Variants in CMIP observed in about 807,000 individuals in gnomAD.
CMIP encodes the protein c-Maf inducing protein, also known as C-Maf-inducing protein.
A neutral mutation model predicts 97.3 loss-of-function variants in CMIP; 13 were observed. That is an observed-to-expected ratio of 0.13 (90% CI 0.09 to 0.21). The LOEUF is 0.21. CMIP is among the 10% of genes least tolerant of loss of function. The pLI is 1.00. For synonymous variants in CMIP, 538 were observed against 436.3 expected (o/e 1.23, Z -2.91); for missense variants, 847 against 1,024.9 (o/e 0.83, Z 2.37).
In CMIP at chr16:81,616,810, G is replaced by C. The variant is rs775117073; in HGVS notation, c.427-4066G>C. 2.0e-5 allele frequency among the ~76,000 whole-genome samples: 3 copies of C among 152,246 alleles called. No individual in the cohort carries two copies. Among genetic ancestry groups the C allele is most frequent in the Non-Finnish European group, 4.4e-5 (3 of 68,042 alleles). On this transcript the variant is annotated intron_variant, in intron 2 of 20. Transcript: ENST00000537098. This position sits in a 1 kb window ranked among gnomAD's most constrained non-coding sequence, Gnocchi z 4.7. ...ATGTGTAGCAGTGTCTGTGGTCAGTGGCTCTGAAGAAATCCGTCCCAGGCC... is the reference window on the plus strand; with the variant it reads ...ATGTGTAGCAGTGTCTGTGGTCAGTCGCTCTGAAGAAATCCGTCCCAGGCC...
chr16:81,602,380 A>G (rs1293901754), intron 1 of CMIP, among the ~76,000 whole-genome samples: 4 of 152,252 alleles, frequency 2.6e-5, no homozygotes, highest in Non-Finnish European at 5.9e-5. Flanking sequence ...TTTATGGGAA[A>G]GATTTTATTC....
intron 7 of CMIP, chr16:81,665,786 T>C (rs1282799672): frequency 6.6e-6 from 1 of 152,220 alleles, no homozygotes; most frequent in African/African-American, 2.4e-5. Context: ...ACCCCTTCCA[T>C]GCTCATGGCA....
At chr16:81,605,109 C>T (rs983523083) in intron 1 of CMIP, among the ~76,000 whole-genome samples, 1 of 152,158 alleles carries the variant, frequency 6.6e-6, no homozygotes, top group African/African-American at 2.4e-5. Flanking sequence ...CCTGGCTTCT[C>T]CGGCAGTGCT....
At chr16:81,501,077 C>T (rs1446348011) in intron 1 of CMIP, among the ~76,000 whole-genome samples, 1 of 152,226 alleles carries the variant, frequency 6.6e-6, no homozygotes, top group Non-Finnish European at 1.5e-5. Context: ...AGGAGCTGCT[C>T]AAGTGCCGGA....
At chr16:81,686,483 G>C (rs1451039238) in intron 10 of CMIP, among the ~76,000 whole-genome samples, 1 of 152,156 alleles carries the variant, frequency 6.6e-6, no homozygotes, top group African/African-American at 2.4e-5. Context: ...CTTCCTCACC[G>C]GCACCCTCTG....
intron 14 of CMIP, chr16:81,696,930 A>T (rs978892364): frequency 1.1e-5 from 6 of 532,008 alleles, no homozygotes; most frequent in African/African-American, 5.8e-5. Flanking sequence ...AAGACGACAC[A>T]TGTCATTGCC....
chr16:81,448,625 TA>T (rs1395338848), intron 1 of CMIP, among the ~76,000 whole-genome samples: 1 of 152,238 alleles, frequency 6.6e-6, no homozygotes, highest in African/African-American at 2.4e-5. Flanking sequence ...CTGGGCCAGT[TA>T]CTGATTAAAT....
chr16:81,590,896 T>G (rs971870894), intron 1 of CMIP, among the ~76,000 whole-genome samples: 3 of 152,146 alleles, frequency 2.0e-5, no homozygotes, highest in Non-Finnish European at 2.9e-5. Context: ...TCTTGAATGG[T>G]TTAGATCAGG....
chr16:81,537,546 C>CAAAA lies in CMIP; in HGVS notation c.301-69999_301-69996dup, dbSNP rs397695977. ...AGAGACTCCGTCTCCAAAAAAAAGA[C>CAAAA]AAAAAAAAAAAAAAAAAAAAAAAAA... On this transcript the variant is annotated intron_variant, in intron 1 of 20. Coordinates refer to ENST00000537098, the MANE Select transcript of CMIP (RefSeq NM_198390.3). Among the ~76,000 whole-genome samples, 193 of 82,078 alleles carry CAAAA rather than the reference C, an allele frequency of 2.4e-3. 1 individual carries two copies. The highest frequency in any genetic ancestry group is 3.9e-3 in the Non-Finnish European group (170 of 43,926). The allele number at this position is 82,078 out of a possible 152,430, so 53.8% of individuals were successfully genotyped here.
intron 1 of CMIP, among the ~76,000 whole-genome samples, chr16:81,556,140 C>A (rs1301583152): frequency 6.6e-6 from 1 of 152,168 alleles, no homozygotes; most frequent in Admixed American, 6.5e-5. Context: ...GGCCAGAGAT[C>A]TCAGGAGTAG....
At chr16:81,572,137 T>G (rs1458218265) in intron 1 of CMIP, among the ~76,000 whole-genome samples, 1 of 152,226 alleles carries the variant, frequency 6.6e-6, no homozygotes, top group Non-Finnish European at 1.5e-5. Flanking sequence ...TTGCATGTTC[T>G]TCCCAAGGCT....
At chr16:81,639,410 A>G (rs1597179749) in intron 3 of CMIP, among the ~76,000 whole-genome samples, 2 of 151,708 alleles carry the variant, frequency 1.3e-5, no homozygotes, top group Admixed American at 1.3e-4. Flanking sequence ...TGTCCCCATT[A>G]CCCCCTCCCC....
intron 1 of CMIP, among the ~76,000 whole-genome samples, chr16:81,531,958 A>T (rs1446256620): frequency 6.6e-6 from 1 of 152,176 alleles, no homozygotes; most frequent in Non-Finnish European, 1.5e-5. Context: ...AAATGATTGC[A>T]CTGCACATAC....
intron 1 of CMIP, among the ~76,000 whole-genome samples, chr16:81,527,270 A>G (rs1470646330): frequency 6.6e-6 from 1 of 152,170 alleles, no homozygotes; most frequent in African/African-American, 2.4e-5. Flanking sequence ...CTGAGTGTGT[A>G]AGAGCCTTTG....
intron 10 of CMIP, among the ~76,000 whole-genome samples, chr16:81,686,355 G>C (rs1004295815): frequency 6.6e-6 from 1 of 152,172 alleles, no homozygotes; most frequent in African/African-American, 2.4e-5. Context: ...CACACGACAG[G>C]CCTCAGGCTC....
chr16:81,667,509 T>G (rs531397790), intron 7 of CMIP, among the ~76,000 whole-genome samples: 5 of 152,334 alleles, frequency 3.3e-5, no homozygotes, highest in Admixed American at 6.5e-5. Flanking sequence ...TGTAAATGTT[T>G]ATTTCCATGG....
chr16:81,668,633 G>A (rs1422440888), intron 7 of CMIP, among the ~76,000 whole-genome samples: 1 of 152,112 alleles, frequency 6.6e-6, no homozygotes, highest in Non-Finnish European at 1.5e-5. Context: ...CCTGGTGCAG[G>A]CGCTGCTTTC....
At chr16:81,497,748 T>C (rs1055345933) in intron 1 of CMIP, among the ~76,000 whole-genome samples, 2 of 152,256 alleles carry the variant, frequency 1.3e-5, no homozygotes, top group Non-Finnish European at 2.9e-5. Flanking sequence ...CTGGCCCTGC[T>C]GTGAAGCCAC....
At chr16:81,503,380 G>C (rs541695709) in intron 1 of CMIP, among the ~76,000 whole-genome samples, 2 of 152,234 alleles carry the variant, frequency 1.3e-5, no homozygotes, top group Admixed American at 1.3e-4. Context: ...CCTAGTCCCA[G>C]ATACCTCTGA....
Sources: allele counts gnomAD v4.1 joint callset (sites outside exome capture counted in the v4.1 genomes callset), GRCh38; gene constraint gnomAD v4.1.1; non-coding constraint Gnocchi (gnomAD v3.1); transcripts MANE v1.5; gene names NCBI Gene and HGNC (gene_info 2026-07-23, HGNC 2026-07-21).